MCTP1: variants seen among roughly 807,000 people sequenced by gnomAD.
MCTP1 encodes the protein multiple C2 and transmembrane domain containing 1.
A neutral mutation model predicts 120.6 loss-of-function variants in MCTP1; 69 were observed. The ratio of observed to expected loss-of-function variants is 0.57; its 90% confidence interval spans 0.47 to 0.70. The LOEUF is 0.70. MCTP1 is among the 30% of genes least tolerant of loss of function. The probability of loss-of-function intolerance (pLI) is 0.00; values close to 1 mark genes in which losing one functional copy is unlikely to be tolerated. For missense variants in MCTP1, 1,203 were observed against 1,248.8 expected (o/e 0.96, Z 0.55); for synonymous variants, 529 against 493.1 (o/e 1.07, Z -0.96).
chr5:94,713,630 T>C (rs540940659), intron 20 of MCTP1, among the ~76,000 whole-genome samples: 1 of 152,070 alleles, frequency 6.6e-6, no homozygotes, highest in African/African-American at 2.4e-5. Flanking sequence ...TTCTTAGAGA[T>C]GAGAGGAAGA....
intron 17 of MCTP1, among the ~76,000 whole-genome samples, chr5:94,804,205 G>A (rs779399112): frequency 2.0e-5 from 3 of 152,106 alleles, no homozygotes; most frequent in Admixed American, 6.6e-5. Context: ...AATGTGGTAG[G>A]GTAAAATACA....
At chr5:94,985,071 T>C (rs1830212421) in intron 2 of MCTP1, among the ~76,000 whole-genome samples, 1 of 152,170 alleles carries the variant, frequency 6.6e-6, no homozygotes, top group Non-Finnish European at 1.5e-5. Flanking sequence ...TATTCCCTAC[T>C]TATAAATCTC....
chr5:95,102,413 A>AT (rs1279967878), intron 1 of MCTP1, among the ~76,000 whole-genome samples: 1 of 152,250 alleles, frequency 6.6e-6, no homozygotes, highest in Admixed American at 6.5e-5. Context: ...ACTATGAGCT[A>AT]TATCAATGGC....
At chr5:95,220,690 A>C (rs1028384428) in intron 1 of MCTP1, among the ~76,000 whole-genome samples, 2 of 152,244 alleles carry the variant, frequency 1.3e-5, no homozygotes, top group African/African-American at 4.8e-5. Context: ...CTAATAACAT[A>C]CATGCTTCAA....
intron 1 of MCTP1, among the ~76,000 whole-genome samples, chr5:95,060,018 G>A (rs1748511743): frequency 1.3e-5 from 2 of 152,212 alleles, no homozygotes; most frequent in East Asian, 1.9e-4. Flanking sequence ...TCTTTGGTGG[G>A]ACAGAAAAGA....
intron 18 of MCTP1, among the ~76,000 whole-genome samples, chr5:94,781,131 TA>T (rs1349545588): frequency 5.0e-5 from 2 of 40,112 alleles, no homozygotes; most frequent in East Asian, 3.6e-4. Flanking sequence ...TTAAATGAAG[TA>T]TTTTTTTTTT....
At chr5:95,009,945 T>C (rs1341953581) in intron 2 of MCTP1, among the ~76,000 whole-genome samples, 1 of 152,200 alleles carries the variant, frequency 6.6e-6, no homozygotes, top group East Asian at 1.9e-4. Flanking sequence ...GCCCGTTACG[T>C]AGAAATGAGA....
intron 1 of MCTP1, chr5:95,081,386 G>C: frequency 1.9e-6 from 3 of 1,575,046 alleles, no homozygotes; most frequent in Non-Finnish European, 2.6e-6. Flanking sequence ...ATTAATTTAA[G>C]GCTACCACAA....
chr5:95,038,371 C>T (rs1187204019), intron 1 of MCTP1, among the ~76,000 whole-genome samples: 1 of 152,018 alleles, frequency 6.6e-6, no homozygotes, highest in Non-Finnish European at 1.5e-5. Flanking sequence ...AAATATATAT[C>T]CATGATAATA....
intron 17 of MCTP1, among the ~76,000 whole-genome samples, chr5:94,861,944 G>A (rs1188191115): frequency 1.8e-4 from 27 of 151,720 alleles, no homozygotes; most frequent in Admixed American, 1.3e-4. Context: ...AAAACACACC[G>A]AGGCTTTGGT....
Position 95,068,705 on chromosome 5 carries a change from C to G in MCTP1, c.721-51221G>C, listed in dbSNP as rs56341648. The G allele has an allele frequency of 1.5e-3, 1,274 of 851,186 alleles. 12 individuals carry two copies. In the African/African-American group the frequency reaches 0.021, roughly 14 times the overall value. 52.7% of individuals were successfully genotyped at this position (851,186 alleles called of 1,614,324 possible). On this transcript the variant is annotated intron_variant, in intron 1 of 22. Transcript: ENST00000515393. ...TTGCATTACTATGGTTTTCACAATT[C>G]GGTCAAAAAATAAAGCTTTTATGCC...
intron 19 of MCTP1, among the ~76,000 whole-genome samples, chr5:94,718,422 C>A (rs1217276470): frequency 6.6e-6 from 1 of 152,022 alleles, no homozygotes; most frequent in African/African-American, 2.4e-5. Flanking sequence ...CTAGACAATA[C>A]CATTCAGGAC....
chr5:94,773,813 T>C (rs888929006), intron 19 of MCTP1, among the ~76,000 whole-genome samples: 2 of 152,102 alleles, frequency 1.3e-5, no homozygotes, highest in Admixed American at 1.3e-4. Context: ...AAAGATCCAC[T>C]CCATGATTCA....
chr5:95,116,935 C>T (rs1757865374), intron 1 of MCTP1, among the ~76,000 whole-genome samples: 1 of 152,040 alleles, frequency 6.6e-6, no homozygotes, highest in Admixed American at 6.6e-5. Context: ...ATCTTTTGGG[C>T]TTAGACAATG....
chr5:95,139,683 A>C (rs1162462038), intron 1 of MCTP1, among the ~76,000 whole-genome samples: 1 of 152,192 alleles, frequency 6.6e-6, no homozygotes, highest in Admixed American at 6.5e-5. Context: ...AACACATCTA[A>C]CTCTAAACAA....
intron 2 of MCTP1, among the ~76,000 whole-genome samples, chr5:94,996,540 G>T (rs546232821): frequency 6.6e-6 from 1 of 152,162 alleles, no homozygotes; most frequent in East Asian, 1.9e-4. Context: ...TATCCTACAC[G>T]CATCCTCTTA....
chr5:95,170,266 G>C (rs1747071785), intron 1 of MCTP1, among the ~76,000 whole-genome samples: 2 of 152,198 alleles, frequency 1.3e-5, no homozygotes, highest in African/African-American at 2.4e-5. Flanking sequence ...TTGCACTGTG[G>C]TCTGAGAGAC....
At chr5:95,209,307 T>C (rs965936131) in intron 1 of MCTP1, among the ~76,000 whole-genome samples, 3 of 152,200 alleles carry the variant, frequency 2.0e-5, no homozygotes, top group Non-Finnish European at 4.4e-5. Flanking sequence ...AGAAATTCTT[T>C]CTTATCAATA....
At chr5:94,952,710 C>T (rs1820931100) in intron 3 of MCTP1, among the ~76,000 whole-genome samples, 1 of 152,104 alleles carries the variant, frequency 6.6e-6, no homozygotes, top group African/African-American at 2.4e-5. Flanking sequence ...CTTTTAATTA[C>T]ATCAAACGAG....
Sources: gnomAD v4.1 joint callset for allele counts (sites outside exome capture counted in the v4.1 genomes callset) on GRCh38, gnomAD v4.1.1 for gene constraint, MANE v1.5 for transcripts, NCBI Gene and HGNC (gene_info 2026-07-23, HGNC 2026-07-21) for gene names.